NEK7: variants seen among roughly 807,000 people sequenced by gnomAD.
The protein encoded by NEK7 is serine/threonine-protein kinase Nek7.
Under a neutral mutation model 44.6 loss-of-function variants are expected in NEK7, and 18 were observed. The ratio of observed to expected loss-of-function variants is 0.40; its 90% CI spans 0.28 to 0.60. The LOEUF is 0.60. Ranked by LOEUF, NEK7 falls within the 20% of genes least tolerant of loss-of-function variation. The probability of loss-of-function intolerance (pLI) is 0.38; values close to 1 mark genes in which losing one functional copy is unlikely to be tolerated. For synonymous variants in NEK7, 130 were observed against 121.1 expected (o/e 1.07, Z -0.48); for missense variants, 256 against 366.5 (o/e 0.70, Z 2.46).
chr1:198,314,220 T>G (rs1254638853), intron 9 of NEK7, among the ~76,000 whole-genome samples: 1 of 152,236 alleles, frequency 6.6e-6, no homozygotes, highest in Non-Finnish European at 1.5e-5. Context: ...TCCAGTTGAT[T>G]GCATTGGCTC....
chr1:198,205,533 C>A (rs1479782466), intron 1 of NEK7, among the ~76,000 whole-genome samples: 1 of 152,118 alleles, frequency 6.6e-6, no homozygotes, highest in Non-Finnish European at 1.5e-5. Context: ...ACTACTTGTT[C>A]ATAGTATGCA....
intron 1 of NEK7, among the ~76,000 whole-genome samples, chr1:198,192,457 A>G (rs1388707402): frequency 6.6e-6 from 1 of 151,842 alleles, no homozygotes; most frequent in Non-Finnish European, 1.5e-5. Flanking sequence ...TATGGGTGAG[A>G]TAGGGTTGAA....
At chr1:198,282,213 A>G (rs1348057215) in intron 7 of NEK7, among the ~76,000 whole-genome samples, 1 of 152,014 alleles carries the variant, frequency 6.6e-6, no homozygotes, top group African/African-American at 2.4e-5. Flanking sequence ...TTCATAATCC[A>G]TTCTGTGTGT....
chr1:198,285,653 T>C (rs1487792773), intron 7 of NEK7, among the ~76,000 whole-genome samples: 1 of 151,962 alleles, frequency 6.6e-6, no homozygotes, highest in African/African-American at 2.4e-5. Flanking sequence ...TCACATTTCA[T>C]TGGCCAAAAC....
At chr1:198,168,404 T>G (rs1353315181) in intron 1 of NEK7, among the ~76,000 whole-genome samples, 1 of 152,198 alleles carries the variant, frequency 6.6e-6, no homozygotes, top group Non-Finnish European at 1.5e-5. Context: ...CTAGGCCTTT[T>G]TTGTTTGTGT....
intron 1 of NEK7, among the ~76,000 whole-genome samples, chr1:198,227,216 G>A (rs1277332728): frequency 2.0e-5 from 3 of 152,132 alleles, no homozygotes; most frequent in Non-Finnish European, 2.9e-5. Flanking sequence ...TTTTACGGCT[G>A]CATAGTATTT....
intron 7 of NEK7, among the ~76,000 whole-genome samples, chr1:198,279,395 A>G (rs1244891330): frequency 1.3e-5 from 2 of 151,992 alleles, no homozygotes; most frequent in Non-Finnish European, 2.9e-5. Context: ...AGAAGACTTC[A>G]CCTGACCATT....
intron 1 of NEK7, among the ~76,000 whole-genome samples, chr1:198,218,272 TAAAAC>T (rs1273549281): frequency 6.6e-6 from 1 of 151,940 alleles, no homozygotes; most frequent in Non-Finnish European, 1.5e-5. Context: ...GACAGACACT[TAAAAC>T]TAACTGATCT....
At chr1:198,166,304 C>T (rs576827049) in intron 1 of NEK7, among the ~76,000 whole-genome samples, 4 of 152,290 alleles carry the variant, frequency 2.6e-5, no homozygotes, top group African/African-American at 7.2e-5. Context: ...AGACCAGCTC[C>T]GAGCTTCAGC....
intron 1 of NEK7, among the ~76,000 whole-genome samples, chr1:198,229,503 G>A (rs1053762611): frequency 2.0e-5 from 3 of 152,164 alleles, no homozygotes; most frequent in African/African-American, 7.2e-5. Context: ...GAAAGGGGGC[G>A]GTGGTCTTGT....
intron 9 of NEK7, among the ~76,000 whole-genome samples, chr1:198,304,204 C>T (rs1341879956): frequency 6.6e-6 from 1 of 152,142 alleles, no homozygotes; most frequent in African/African-American, 2.4e-5. Flanking sequence ...AATCATGTAA[C>T]TTTCTGTAAG....
intron 1 of NEK7, among the ~76,000 whole-genome samples, chr1:198,222,952 A>G (rs1171909945): frequency 2.0e-5 from 3 of 152,156 alleles, no homozygotes; most frequent in Admixed American, 1.3e-4. Context: ...TGAACCAGCC[A>G]TTCGGGAATT....
chr1:198,211,300 C>A (rs1665762161), intron 1 of NEK7, among the ~76,000 whole-genome samples: 1 of 152,054 alleles, frequency 6.6e-6, no homozygotes, highest in South Asian at 2.1e-4. Context: ...GATTCCAGAA[C>A]CTTATTATTA....
intron 2 of NEK7, among the ~76,000 whole-genome samples, chr1:198,236,072 G>A (rs1221089884): frequency 6.6e-6 from 1 of 152,146 alleles, no homozygotes; most frequent in Non-Finnish European, 1.5e-5. Flanking sequence ...TTTACCTTGA[G>A]TAGCATGTTC....
At chr1:198,213,301 A>G (rs192554547) in intron 1 of NEK7, among the ~76,000 whole-genome samples, 1 of 152,270 alleles carries the variant, frequency 6.6e-6, no homozygotes, top group East Asian at 1.9e-4. Context: ...ACTTTACACT[A>G]GTGGAAAGTT....
At chr1:198,297,095 A>T (rs1342465411) in intron 8 of NEK7, 32 bp from the exon 9 acceptor site, 1 of 1,361,052 alleles carries the variant, frequency 7.3e-7, no homozygotes. Flanking sequence ...TTACCATCTA[A>T]CTATATCAGT....
intron 1 of NEK7, among the ~76,000 whole-genome samples, chr1:198,196,726 C>T (rs892465410): frequency 1.3e-5 from 2 of 152,198 alleles, no homozygotes; most frequent in Admixed American, 1.3e-4. Context: ...CAGCTTTTAT[C>T]AGGACAAGAT....
chr1:198,279,143 C>A, intron 7 of NEK7, 82 bp downstream of exon 7: 1 of 787,132 alleles, frequency 1.3e-6, no homozygotes, highest in South Asian at 1.6e-5. Context: ...TACATGCCAG[C>A]TCTTACATTC....
At chr1:198,258,829 T>A (rs1404495393) in intron 3 of NEK7, among the ~76,000 whole-genome samples, 1 of 152,192 alleles carries the variant, frequency 6.6e-6, no homozygotes, top group Non-Finnish European at 1.5e-5. Flanking sequence ...TGTTTGTACA[T>A]ATTATATGCA....
Sources: allele counts gnomAD v4.1 joint callset (sites outside exome capture counted in the v4.1 genomes callset), GRCh38; gene constraint gnomAD v4.1.1; transcripts MANE v1.5; gene names NCBI Gene and HGNC (gene_info 2026-07-23, HGNC 2026-07-21).